Variants in FBXL19 observed in about 807,000 individuals in gnomAD.
FBXL19 encodes the protein F-box and leucine rich repeat protein 19, also known as F-box/LRR-repeat protein 19.
FBXL19 carries 16 observed loss-of-function variants against 71.2 expected under a neutral mutation model. The observed-to-expected ratio is 0.22, with a 90% CI of 0.15 to 0.34. The LOEUF (loss-of-function observed/expected upper bound fraction) is 0.34, where lower values mean the gene tolerates loss of function less well. FBXL19 is among the 10% of genes least tolerant of loss of function. The pLI is 1.00. For missense variants in FBXL19, 658 were observed against 968.2 expected, an observed-to-expected ratio of 0.68 and a Z score of 4.25; for synonymous variants, 447 against 409.4, an observed-to-expected ratio of 1.09 and a Z score of -1.11.
chr16:30,928,331 C>A, intron 5 of FBXL19, 136 bp from the exon 6 acceptor site: 1 of 949,254 alleles, frequency 1.1e-6, no homozygotes, highest in Non-Finnish European at 1.5e-6. Context: ...GCAAGGTGAG[C>A]ATGCTCAGAG....
rs77477496 is a variant in FBXL19 at position 30,927,473 on chromosome 16, C to T, written c.321+22C>T. The T allele has an allele frequency of 5.8e-4, 922 of 1,580,310 alleles. 5 individuals carry two copies. The East Asian group carries it at 0.011, about 19-fold the overall frequency. On this transcript the variant is annotated intron_variant, in intron 3 of 10. Transcript: ENST00000338343. ...GAAGGTGATGGCCCTGGGACCCCGG[C>T]GTCTGGGGTGGGGCAGATTGTCAGG...
chr16:30,947,461 T>G lies in FBXL19; in HGVS notation c.*231T>G. ...CCTGCCCCTGCTACCTGCTTCATTG[T>G]CCATCCCCTGGGGGAGTGGGTCAGA... On this transcript the variant is annotated 3_prime_UTR_variant, in exon 11 of 11. Coordinates refer to ENST00000338343, the MANE Select transcript of FBXL19 (RefSeq NM_001382779.1). The G allele has an allele frequency of 1.8e-6, 1 of 552,992 alleles. No individual in the cohort carries two copies. The highest frequency in any genetic ancestry group is 3.2e-6 in the Non-Finnish European group (1 of 309,094). The allele number at this position is 552,992 out of a possible 1,614,324, so 34.3% of individuals were successfully genotyped here. A position where few individuals can be genotyped will look rare whatever the true frequency, so the allele number is the denominator to read the frequency against.
intron 9 of FBXL19, among the ~76,000 whole-genome samples, chr16:30,945,765 G>GCTA (rs2055851446): frequency 6.7e-6 from 1 of 149,216 alleles, no homozygotes; most frequent in South Asian, 2.1e-4. Flanking sequence ...GCTACAGTGA[G>GCTA]CTACAGGGAG....
Position 30,942,159 on chromosome 16 carries a change from C to A in FBXL19, c.1345C>A (p.Arg449=), listed in dbSNP as rs767551669. ...GTGGCCTCGAATGGACCTGAGCCGG[C>A]GGAAGTCACTGACCCCGCCCATGCT... ...RLWPRMDLSR[R]KSLTPPMLSG... Residue 449 remains arginine, a synonymous_variant, in exon 8 of 11, where the codon CGG becomes AGG. Transcript: ENST00000338343. The surrounding 1 kb of genome is among the most constrained non-coding windows in gnomAD (Gnocchi z 5.7). The A allele has an allele frequency of 3.1e-6, 5 of 1,598,828 alleles. No homozygotes were observed. The Admixed American group carries it at 8.6e-5, about 28-fold the overall frequency.
chr16:30,928,037 G>T (rs1017468232), intron 5 of FBXL19, 74 bp downstream of exon 5: 10 of 1,050,906 alleles, frequency 9.5e-6, no homozygotes, highest in South Asian at 3.4e-5. Flanking sequence ...GGTTCTGTGG[G>T]GCTGTGTGGG....
chr16:30,931,358 G>A (rs1395883497), intron 7 of FBXL19, among the ~76,000 whole-genome samples: 7 of 152,168 alleles, frequency 4.6e-5, no homozygotes, highest in Non-Finnish European at 1.0e-4. Context: ...AGTTGCTGGG[G>A]TGGGAGCAGA....
At position 30,925,324 on chromosome 16, in the gene FBXL19, G is replaced by C. The variant is rs757618472; in HGVS notation, c.-24-407G>C. Among the ~76,000 whole-genome samples the C allele has an allele frequency of 6.6e-5, 10 of 152,210 alleles. No homozygotes were observed. Among genetic ancestry groups the C allele is most frequent in the Non-Finnish European group, 1.3e-4 (9 of 67,996 alleles). ...GGCAGTTTACCCCAGATTGAGGTTG[G>C]GGAGAGCCTGGGATATTCTACACTC... On this transcript the variant is annotated intron_variant, in intron 1 of 10. Coordinates refer to ENST00000338343, the MANE Select transcript of FBXL19 (RefSeq NM_001382779.1). The surrounding 1 kb of genome is among the most constrained non-coding windows in gnomAD (Gnocchi z 5.0).
At position 30,927,481 on chromosome 16, in the gene FBXL19, G is replaced by A. The variant is rs892718876; in HGVS notation, c.321+30G>A. On this transcript the variant is annotated intron_variant, in intron 3 of 10. Coordinates refer to ENST00000338343, the MANE Select transcript of FBXL19 (RefSeq NM_001382779.1). ...TGGCCCTGGGACCCCGGCGTCTGGG[G>A]TGGGGCAGATTGTCAGGGAGCAGAG... 9 of 1,575,918 alleles carry A rather than the reference G, an allele frequency of 5.7e-6. No homozygotes were observed. The African/African-American group carries it at 9.4e-5, about 17-fold the overall frequency.
intron 7 of FBXL19, among the ~76,000 whole-genome samples, chr16:30,939,627 C>A (rs1596655557): frequency 2.6e-5 from 4 of 151,636 alleles, no homozygotes; most frequent in African/African-American, 9.7e-5. Flanking sequence ...ACTGTGTTAG[C>A]CTGGATGGTC....
Position 30,928,150 on chromosome 16 carries a change from G to GA in FBXL19, c.627+188dup, listed in dbSNP as rs369159506. ...CATGCTCAGTGTGGAGGAGGGGGGG[G>GA]ACAGGTGAGGTGAGCTGGCACTGCA... On this transcript the variant is annotated intron_variant, in intron 5 of 10. Coordinates refer to ENST00000338343, the MANE Select transcript of FBXL19 (RefSeq NM_001382779.1). Among the ~76,000 whole-genome samples, 1,116 of 149,398 alleles carry GA rather than the reference G, an allele frequency of 7.5e-3. 14 individuals carry two copies. Among genetic ancestry groups the GA allele is most frequent in the African/African-American group, 0.026 (1,055 of 40,860 alleles).
Position 30,946,987 on chromosome 16 carries a change from T to G in FBXL19, c.1846+39T>G. On this transcript the variant is annotated intron_variant, in intron 10 of 10. Transcript: ENST00000338343. The surrounding 1 kb of genome is among the most constrained non-coding windows in gnomAD (Gnocchi z 6.7). ...CCCATCCGTCCTGCCAGCCTGTGGA[T>G]CCCCACGGCCAGTGCCAACCCCTTG... 1 of 1,581,974 alleles carries G rather than the reference T, an allele frequency of 6.3e-7. No individual in the cohort carries two copies. Among genetic ancestry groups the G allele is most frequent in the South Asian group, 1.1e-5 (1 of 87,264 alleles).
At position 30,948,364 on chromosome 16, in the gene FBXL19, T is replaced by A. The variant is rs1162475870; in HGVS notation, c.*1134T>A. 2 of 152,712 alleles carry A rather than the reference T, an allele frequency of 1.3e-5. No individual in the cohort carries two copies. Among genetic ancestry groups the A allele is most frequent in the African/African-American group, 2.4e-5 (1 of 41,468 alleles). The allele number at this position is 152,712 out of a possible 1,614,324, so 9.5% of individuals were successfully genotyped here. ...AACGGACACCTCCCGATGCCAGTGCTAAGGCTGGAAATGGCCCCCTCTTAG... is the reference window on the plus strand; with the variant it reads ...AACGGACACCTCCCGATGCCAGTGCAAAGGCTGGAAATGGCCCCCTCTTAG... On this transcript the variant is annotated 3_prime_UTR_variant, in exon 11 of 11. Coordinates refer to ENST00000338343, the MANE Select transcript of FBXL19 (RefSeq NM_001382779.1).
At chr16:30,939,571 G>A (rs1408690500) in intron 7 of FBXL19, among the ~76,000 whole-genome samples, 2 of 150,458 alleles carry the variant, frequency 1.3e-5, no homozygotes, top group Admixed American at 6.6e-5. Flanking sequence ...CCTCCACCAC[G>A]CCCAGCTAAT....
In FBXL19 at chr16:30,942,658, G is replaced by A. The variant is rs1204309826; in HGVS notation, c.1627+122G>A. ...TTTGAAGAAAGGAAAGAATACATGAGTTTGAATAGGAAGGCCCTGGTTGGG... is the reference window on the plus strand; with the variant it reads ...TTTGAAGAAAGGAAAGAATACATGAATTTGAATAGGAAGGCCCTGGTTGGG... On this transcript the variant is annotated intron_variant, in intron 9 of 10. Coordinates refer to ENST00000338343, the MANE Select transcript of FBXL19 (RefSeq NM_001382779.1). The surrounding 1 kb of genome is among the most constrained non-coding windows in gnomAD (Gnocchi z 5.7). The A allele has an allele frequency of 2.1e-6, 3 of 1,415,240 alleles. No homozygotes were observed. The highest frequency in any genetic ancestry group is 2.5e-5 in the East Asian group (1 of 39,312). The allele number at this position is 1,415,240 out of a possible 1,614,324, so 87.7% of individuals were successfully genotyped here.
In FBXL19 at chr16:30,946,615, A is replaced by AG. The variant is rs2055861308; in HGVS notation, c.1628-114dup. 1.0e-6 allele frequency: 1 copy of AG among 984,702 alleles called. No individual in the cohort carries two copies. Among genetic ancestry groups the AG allele is most frequent in the Non-Finnish European group, 1.5e-6 (1 of 665,558 alleles). The allele number at this position is 984,702 out of a possible 1,614,324, so 61.0% of individuals were successfully genotyped here. A position where few individuals can be genotyped will look rare whatever the true frequency, so the allele number is the denominator to read the frequency against. On this transcript the variant is annotated intron_variant, in intron 9 of 10. Coordinates refer to ENST00000338343, the MANE Select transcript of FBXL19 (RefSeq NM_001382779.1). The surrounding 1 kb of genome is among the most constrained non-coding windows in gnomAD (Gnocchi z 6.7). ...GGTGTTTTTGAGAAGAGCAAGCCAC[A>AG]GAGTGCACCAGGTCACTCACTTATG...
intron 7 of FBXL19, among the ~76,000 whole-genome samples, chr16:30,941,709 G>A (rs566259348): frequency 6.6e-6 from 1 of 152,290 alleles, no homozygotes; most frequent in Admixed American, 6.5e-5. Context: ...GGAGACGACT[G>A]GATAACACCA....
Position 30,947,910 on chromosome 16 carries a change from A to T in FBXL19, c.*680A>T. ...GTCACTGAAAACGGCAGCTATTGCA[A>T]GGAGTGGGGGCCGCGGGCAGCCGCT... On this transcript the variant is annotated 3_prime_UTR_variant, in exon 11 of 11. Coordinates refer to ENST00000338343, the MANE Select transcript of FBXL19 (RefSeq NM_001382779.1). 2.2e-6 allele frequency: 1 copy of T among 454,706 alleles called. No homozygotes were observed. Among genetic ancestry groups the T allele is most frequent in the Non-Finnish European group, 4.4e-6 (1 of 226,042 alleles). 28.2% of individuals were successfully genotyped at this position (454,706 alleles called of 1,614,324 possible).
rs1169725735 is a variant in FBXL19, at chr16:30,923,626, C to G, written c.-858C>G. 6.6e-6 allele frequency among the ~76,000 whole-genome samples: 1 copy of G among 151,594 alleles called. No individual in the cohort carries two copies. Among genetic ancestry groups the G allele is most frequent in the East Asian group, 2.0e-4 (1 of 5,120 alleles). The stretch of plus-strand genomic sequence containing the variant: ...GAGGGATGAGAGAGGCGGCCAGGGC[C>G]CCGGGCCGTAGCAGCGCGGGGCTGG... On this transcript the variant is annotated 5_prime_UTR_variant, in exon 1 of 11. Transcript: ENST00000338343.
In FBXL19 at chr16:30,947,210, C is replaced by T; in HGVS notation, c.2005C>T (p.Leu669=). ...PGPFRCPEEK[L]LLKDS ...CCCCTTCCGCTGCCCTGAGGAGAAG[C>T]TGCTTCTCAAGGACAGCTAGTTGGG... is the stretch of plus-strand genomic sequence containing the variant. Residue 669 remains leucine, a synonymous_variant, in exon 11 of 11, where the codon CTG becomes TTG. Transcript: ENST00000338343. 1.9e-6 allele frequency: 3 copies of T among 1,594,972 alleles called. No individual in the cohort carries two copies.
Sources: gnomAD v4.1 joint callset for allele counts (sites outside exome capture counted in the v4.1 genomes callset) on GRCh38, gnomAD v4.1.1 for gene constraint, Gnocchi (gnomAD v3.1) non-coding constraint, MANE v1.5 for transcripts, NCBI Gene and HGNC (gene_info 2026-07-23, HGNC 2026-07-21) for gene names.